Variants in DHX30 observed in about 807,000 individuals in gnomAD.
DHX30 encodes the protein DExH-box helicase 30, also known as ATP-dependent RNA helicase DHX30.
In DHX30, 4 loss-of-function variants were observed where a neutral mutation model predicts 116.9. That is an observed-to-expected ratio of 0.03 (90% CI 0.02 to 0.08). The LOEUF (loss-of-function observed/expected upper bound fraction) is 0.08. Ranked by LOEUF, DHX30 falls within the 10% of genes least tolerant of loss-of-function variation. DHX30 has a pLI of 1.00. For synonymous variants in DHX30, 697 were observed against 651.7 expected, an observed-to-expected ratio of 1.07 and a Z score of -1.06; for missense variants, 871 against 1,595.1, an observed-to-expected ratio of 0.55 and a Z score of 7.73.
At chr3:47,845,244 C>G (rs1480264018) in intron 9 of DHX30, among the ~76,000 whole-genome samples, 1 of 152,036 alleles carries the variant, frequency 6.6e-6, no homozygotes, top group African/African-American at 2.4e-5. Context: ...CTGGAGTGCA[C>G]CGTCATGATC....
In DHX30 at chr3:47,848,668, C is replaced by T; in HGVS notation, c.2620C>T (p.Leu874=). The part of the protein sequence containing the change: ...REYLTTLGQR[L]AHISTDPRLA... ...GTACCTGACTACCCTGGGGCAGCGC[C>T]TGGCTCACATCTCCACCGACCCCCG... is the stretch of plus-strand genomic sequence containing the variant. The change falls in exon 17 of 22, where the codon CTG becomes TTG. Residue 874 remains leucine, a synonymous_variant. Transcript: ENST00000445061. This position sits in a 1 kb window ranked among gnomAD's most constrained non-coding sequence, Gnocchi z 9.4. 1.9e-6 allele frequency: 3 copies of T among 1,614,132 alleles called. No homozygotes were observed. The highest frequency in any genetic ancestry group is 1.7e-6 in the Non-Finnish European group (2 of 1,180,006).
At position 47,846,857 on chromosome 3, in the gene DHX30, C is replaced by T. The variant is rs780540802; in HGVS notation, c.1785C>T (p.Asp595=). 2.1e-5 allele frequency: 34 copies of T among 1,612,582 alleles called. No homozygotes were observed. The highest frequency in any genetic ancestry group is 2.9e-5 in the Non-Finnish European group (34 of 1,179,784). ...LRLVLMSATG[D]NERFSRYFGG... ...TGGTGCTCATGAGTGCCACAGGGGA[C>T]AATGAGCGCTTCTCCCGATACTTTG... The change falls in exon 11 of 22, where the codon GAC becomes GAT. Residue 595 remains aspartate, a synonymous_variant. Transcript: ENST00000445061.
At chr3:47,806,830 C>A (rs555878488) in intron 2 of DHX30, among the ~76,000 whole-genome samples, 1 of 150,564 alleles carries the variant, frequency 6.6e-6, no homozygotes, top group African/African-American at 2.4e-5. Flanking sequence ...TGACCTCAGG[C>A]AATCTGCCTG....
chr3:47,803,250 T>C, intron 1 of DHX30, 38 bp downstream of exon 1: 1 of 392,080 alleles, frequency 2.6e-6, no homozygotes, highest in East Asian at 3.6e-5. Flanking sequence ...TCGTGCCCTC[T>C]TGAGGAGCCT....
At chr3:47,803,363 C>A (rs976250999) in intron 1 of DHX30, among the ~76,000 whole-genome samples, 151 bp downstream of exon 1, 2 of 152,018 alleles carry the variant, frequency 1.3e-5, no homozygotes, top group Non-Finnish European at 2.9e-5. Context: ...GCAGGCCGGG[C>A]ATCCTAGGCC....
At chr3:47,829,777 T>G (rs760952191) in intron 6 of DHX30, among the ~76,000 whole-genome samples, 1 of 152,198 alleles carries the variant, frequency 6.6e-6, no homozygotes, top group Non-Finnish European at 1.5e-5. Context: ...TCTTTTCTCA[T>G]CATTTCATGT....
chr3:47,838,074 G>A (rs1168717643), intron 6 of DHX30, among the ~76,000 whole-genome samples: 1 of 152,190 alleles, frequency 6.6e-6, no homozygotes, highest in Non-Finnish European at 1.5e-5. Context: ...CCAGGCCAAG[G>A]AGGGATGCTT....
At chr3:47,809,969 A>G (rs773952544) in intron 2 of DHX30, among the ~76,000 whole-genome samples, 1 of 152,118 alleles carries the variant, frequency 6.6e-6, no homozygotes, top group Non-Finnish European at 1.5e-5. Context: ...TTTTCTTGTC[A>G]TCTCTAAGTA....
At chr3:47,816,368 T>TTC in intron 3 of DHX30, 2 of 983,468 alleles carry the variant, frequency 2.0e-6, no homozygotes, top group African/African-American at 3.5e-5. Flanking sequence ...TTTTTTTTTT[T>TTC]TTTTTTTTAA....
At chr3:47,845,227 G>A (rs898261799) in intron 9 of DHX30, among the ~76,000 whole-genome samples, 3 of 152,056 alleles carry the variant, frequency 2.0e-5, no homozygotes, top group Non-Finnish European at 2.9e-5. Context: ...TCGCTCTGTC[G>A]CCCAGGCTGG....
intron 1 of DHX30, among the ~76,000 whole-genome samples, chr3:47,804,107 T>G (rs985426613): frequency 6.6e-6 from 1 of 152,156 alleles, no homozygotes. Context: ...TCATTGTGGG[T>G]TTTAACTACA....
chr3:47,818,399 G>A (rs927292637), intron 4 of DHX30, among the ~76,000 whole-genome samples: 4 of 152,166 alleles, frequency 2.6e-5, no homozygotes, highest in African/African-American at 4.8e-5. Flanking sequence ...CTCAGCACCC[G>A]CATGGAGAAT....
intron 7 of DHX30, 50 bp from the exon 8 acceptor site, chr3:47,841,567 A>C (rs1412744941): frequency 1.2e-6 from 2 of 1,612,564 alleles, no homozygotes; most frequent in Non-Finnish European, 1.7e-6. Context: ...CCTCAGGGAA[A>C]TTGGTCCAGG....
At chr3:47,842,267 GGGT>G (rs2037410614) in intron 8 of DHX30, 1 of 154,312 alleles carries the variant, frequency 6.5e-6, no homozygotes, top group Non-Finnish European at 1.4e-5. Context: ...GAGTTGGCCT[GGGT>G]AAACAGATCC....
chr3:47,827,307 A>G, intron 4 of DHX30, 40 bp from the exon 5 acceptor site: 1 of 1,572,702 alleles, frequency 6.4e-7, no homozygotes, highest in South Asian at 1.2e-5. Flanking sequence ...TTTTTAAAAG[A>G]AAAAGAACAA....
At chr3:47,837,162 T>A (rs1184937701) in intron 6 of DHX30, among the ~76,000 whole-genome samples, 1 of 152,170 alleles carries the variant, frequency 6.6e-6, no homozygotes, top group Non-Finnish European at 1.5e-5. Flanking sequence ...CACTCCAGAC[T>A]CAGGCCAATG....
In DHX30 at chr3:47,849,785, C is replaced by T. The variant is rs746139952; in HGVS notation, c.3331+16C>T. On this transcript the variant is annotated intron_variant, in intron 21 of 21. Coordinates refer to ENST00000445061, the MANE Select transcript of DHX30 (RefSeq NM_138615.3). ...CACATCCGTGGTGGGTGCCTGCAGG[C>T]CTCCCGCCCACCCCGCTCTGCAGCT... The T allele has an allele frequency of 6.2e-7, 1 of 1,609,082 alleles. No homozygotes were observed. The highest frequency in any genetic ancestry group is 1.1e-5 in the South Asian group (1 of 90,502).
At chr3:47,807,703 C>CAAAAAAAAAAA (rs1202083372) in intron 2 of DHX30, among the ~76,000 whole-genome samples, 5 of 32,756 alleles carry the variant, frequency 1.5e-4, no homozygotes, top group Non-Finnish European at 2.8e-4. Context: ...GACTCTGTCT[C>CAAAAAAAAAAA]AAAAAAAAAA....
At chr3:47,825,261 CG>C in intron 4 of DHX30, 1 of 570,696 alleles carries the variant, frequency 1.8e-6, no homozygotes, top group Non-Finnish European at 3.1e-6. Context: ...AGGGCATCGG[CG>C]GGGGCGGGCG....
Sources: gnomAD v4.1 joint callset for allele counts (sites outside exome capture counted in the v4.1 genomes callset) on GRCh38, gnomAD v4.1.1 for gene constraint, Gnocchi (gnomAD v3.1) non-coding constraint, MANE v1.5 for transcripts, NCBI Gene and HGNC (gene_info 2026-07-23, HGNC 2026-07-21) for gene names.